Variants in RBM45 observed in about 807,000 individuals in gnomAD.
The protein encoded by RBM45 is RNA binding motif protein 45, also known as RNA-binding protein 45.
A neutral mutation model predicts 58.5 loss-of-function variants in RBM45; 39 were observed. That is an observed-to-expected ratio of 0.67 (90% CI 0.52 to 0.87). The LOEUF is 0.87. Among genes scored for constraint, RBM45 ranks in the 40% least tolerant of loss-of-function variants. RBM45 has a pLI of 0.00. For synonymous variants in RBM45, 193 were observed against 203.0 expected, an observed-to-expected ratio of 0.95 and a Z score of 0.42; for missense variants, 481 against 581.6, an observed-to-expected ratio of 0.83 and a Z score of 1.78.
exon 4 of RBM45, chr2:178,138,182 A>G (rs2088060362): frequency 6.6e-6 from 1 of 152,118 alleles, no homozygotes; most frequent in Non-Finnish European, 1.5e-5. Flanking sequence ...AAGTTCCCCC[A>G]CTTTTTGTTC....
chr2:178,125,875 T>G, intron 8 of RBM45, 109 bp from the exon 9 acceptor site: 1 of 782,930 alleles, frequency 1.3e-6, no homozygotes, highest in Non-Finnish European at 2.2e-6. Context: ...AGTTGGATGT[T>G]GGATCTGGGG....
chr2:178,130,194 A>G (rs907659619), downstream of RBM45, among the ~76,000 whole-genome samples: 3 of 152,150 alleles, frequency 2.0e-5, no homozygotes, highest in Non-Finnish European at 4.4e-5. Context: ...AACAGACTAC[A>G]ATAGGAGGTA....
chr2:178,118,650 A>G (rs1167296683), intron 3 of RBM45, among the ~76,000 whole-genome samples: 1 of 152,138 alleles, frequency 6.6e-6, no homozygotes, highest in Non-Finnish European at 1.5e-5. Context: ...GTTAATTTCA[A>G]GCTAGAGTGA....
At chr2:178,121,020 T>C (rs1459876925) in intron 4 of RBM45, 160 bp from the exon 5 acceptor site, 15 of 419,798 alleles carry the variant, frequency 3.6e-5, no homozygotes, top group Non-Finnish European at 6.3e-5. Flanking sequence ...TGTCTCTTCT[T>C]GTCATTAGTC....
rs370369491 is a variant in RBM45 at position 178,124,303 on chromosome 2, C to T, written c.1232+13C>T. Reference sequence around the variant, plus strand: ...AAGATATATTCTGGTAAGAAAGTTACATTTTTTGTTATATTTTATTTACAC... The same window carrying T: ...AAGATATATTCTGGTAAGAAAGTTATATTTTTTGTTATATTTTATTTACAC... On this transcript the variant is annotated intron_variant, in intron 8 of 9. Coordinates refer to ENST00000286070, the MANE Select transcript of RBM45 (RefSeq NM_152945.4). 395 of 1,469,492 alleles carry T rather than the reference C, an allele frequency of 2.7e-4. No homozygotes were observed. Among genetic ancestry groups the T allele is most frequent in the Middle Eastern group, 5.4e-4 (3 of 5,600 alleles). The allele number at this position is 1,469,492 out of a possible 1,614,324, so 91.0% of individuals were successfully genotyped here. A position where few individuals can be genotyped will look rare whatever the true frequency, so the allele number is the denominator to read the frequency against.
At chr2:178,125,876 G>A in intron 8 of RBM45, 108 bp from the exon 9 acceptor site, 1 of 783,210 alleles carries the variant, frequency 1.3e-6, no homozygotes, top group South Asian at 1.5e-5. Context: ...GTTGGATGTT[G>A]GATCTGGGGA....
downstream of RBM45, among the ~76,000 whole-genome samples, chr2:178,132,975 G>A (rs2088016592): frequency 6.6e-6 from 1 of 152,142 alleles, no homozygotes. Flanking sequence ...GCAGGTTTGG[G>A]GTGAGTTTTT....
intron 8 of RBM45, among the ~76,000 whole-genome samples, chr2:178,124,940 T>G (rs572724340): frequency 3.2e-4 from 49 of 152,286 alleles, no homozygotes; most frequent in African/African-American, 1.1e-3. Flanking sequence ...ATGTTTTTTA[T>G]AATAAAAAAG....
chr2:178,114,998 T>C (rs2087753629), intron 1 of RBM45, among the ~76,000 whole-genome samples: 1 of 151,518 alleles, frequency 6.6e-6, no homozygotes, highest in African/African-American at 2.4e-5. Context: ...CTATTGTACT[T>C]TGCTTTTACA....
chr2:178,134,735 T>C (rs1187467954), intron 3 of RBM45, among the ~76,000 whole-genome samples: 2 of 152,198 alleles, frequency 1.3e-5, no homozygotes, highest in Admixed American at 6.5e-5. Flanking sequence ...CTGACGCCTG[T>C]AATCTCAGCA....
At chr2:178,114,994 T>C (rs2087753554) in intron 1 of RBM45, among the ~76,000 whole-genome samples, 1 of 151,720 alleles carries the variant, frequency 6.6e-6, no homozygotes, top group Non-Finnish European at 1.5e-5. Context: ...ATTTCTATTG[T>C]ACTTTGCTTT....
At chr2:178,138,430 A>T (rs1559084566) in exon 4 of RBM45, 1 of 152,194 alleles carries the variant, frequency 6.6e-6, no homozygotes, top group African/African-American at 2.4e-5. Flanking sequence ...GTTTTAATAG[A>T]AGAAACATGG....
chr2:178,114,838 C>G (rs1210472861), intron 1 of RBM45, among the ~76,000 whole-genome samples: 1 of 152,158 alleles, frequency 6.6e-6, no homozygotes, highest in African/African-American at 2.4e-5. Context: ...CTCAAGTGAG[C>G]CTCCCGTTTC....
At chr2:178,112,935 G>C (rs1462113311) in intron 1 of RBM45, 89 bp downstream of exon 1, 2 of 1,381,032 alleles carry the variant, frequency 1.4e-6, no homozygotes, top group African/African-American at 2.9e-5. Context: ...GGTGAGGGAG[G>C]AGTGGAACAT....
chr2:178,125,173 C>T lies in RBM45; in HGVS notation c.1233-811C>T, dbSNP rs184663433. Among the ~76,000 whole-genome samples the T allele has an allele frequency of 2.0e-5, 3 of 152,256 alleles. No individual in the cohort carries two copies. The East Asian group carries it at 5.8e-4, about 29-fold the overall frequency. On this transcript the variant is annotated intron_variant, in intron 8 of 9. Coordinates refer to ENST00000286070, the MANE Select transcript of RBM45 (RefSeq NM_152945.4). ...TTCAAGTATTTTGACCTTTATTTAA[C>T]TGATATATTTAGTTTTCTTCTTGAA...
chr2:178,123,974 G>A, intron 7 of RBM45, 62 bp downstream of exon 7: 1 of 1,529,924 alleles, frequency 6.5e-7, no homozygotes, highest in South Asian at 1.2e-5. Context: ...AATGTGAAGA[G>A]AAATCATGCT....
exon 4 of RBM45, chr2:178,138,715 A>C (rs1272093568): frequency 1.3e-5 from 2 of 152,200 alleles, no homozygotes; most frequent in Non-Finnish European, 2.9e-5. Flanking sequence ...ATCATCACTG[A>C]AACTATTAGA....
At chr2:178,132,832 C>T (rs1012554655), downstream of RBM45, among the ~76,000 whole-genome samples, 1 of 152,166 alleles carries the variant, frequency 6.6e-6, no homozygotes, top group African/African-American at 2.4e-5. Context: ...AGGTGACCTG[C>T]CCACCTCGGC....
At chr2:178,114,088 G>A (rs2087738539) in intron 1 of RBM45, among the ~76,000 whole-genome samples, 1 of 152,120 alleles carries the variant, frequency 6.6e-6, no homozygotes, top group South Asian at 2.1e-4. Context: ...ATCAGGAATT[G>A]GCAAACTTTT....
Sources: allele counts gnomAD v4.1 joint callset (sites outside exome capture counted in the v4.1 genomes callset), GRCh38; gene constraint gnomAD v4.1.1; transcripts MANE v1.5; gene names NCBI Gene and HGNC (gene_info 2026-07-23, HGNC 2026-07-21).